RAPGEF4: variants seen among roughly 807,000 people sequenced by gnomAD.
The protein encoded by RAPGEF4 is Rap guanine nucleotide exchange factor 4, also known as RAP guanine-nucleotide-exchange factor (GEF) 4.
In RAPGEF4, 66 loss-of-function variants were observed where a neutral mutation model predicts 147.9. The observed-to-expected ratio is 0.45, with a 90% CI of 0.37 to 0.55. The LOEUF is 0.55. RAPGEF4 is among the 20% of genes least tolerant of loss of function. The pLI, the probability that RAPGEF4 is intolerant of heterozygous loss-of-function variation, is 0.00. For missense variants in RAPGEF4, 1,071 were observed against 1,257.3 expected (o/e 0.85, Z 2.24); for synonymous variants, 419 against 442.7 (o/e 0.95, Z 0.67).
rs1695993409 is a variant in RAPGEF4, at chr2:173,020,624, T to C, written c.2162T>C (p.Val721Ala). ...ATGCTTTTTATGTTCACAGAAAAGG[T>C]GGTGCTCAAACCTAATGATGTTTCA... ...IVKMSSGGEK[V>A]VLKPNDVSVF... The change falls in exon 23 of 31, where the codon GTG (valine) becomes GCG (alanine). Residue 721 changes from valine to alanine, a missense_variant. By Grantham distance (64) the Val-to-Ala change is moderately conservative (BLOSUM62 0). Coordinates refer to ENST00000397081, the MANE Select transcript of RAPGEF4 (RefSeq NM_007023.4). 3.1e-6 allele frequency: 5 copies of C among 1,612,398 alleles called. No homozygotes were observed. Among genetic ancestry groups the C allele is most frequent in the African/African-American group, 1.3e-5 (1 of 74,968 alleles).
chr2:172,736,633 G>A (rs1015259612), intron 1 of RAPGEF4, among the ~76,000 whole-genome samples: 1 of 152,128 alleles, frequency 6.6e-6, no homozygotes, highest in African/African-American at 2.4e-5. Flanking sequence ...CCTGCTTCTC[G>A]GGAAAAGATC....
At chr2:173,049,758 A>G (rs1238283094) in intron 30 of RAPGEF4, among the ~76,000 whole-genome samples, 1 of 152,234 alleles carries the variant, frequency 6.6e-6, no homozygotes, top group Non-Finnish European at 1.5e-5. Context: ...TAGTCTTGCA[A>G]TATCATCAAC....
intron 29 of RAPGEF4, among the ~76,000 whole-genome samples, chr2:173,039,518 G>A (rs146434973): frequency 5.2e-4 from 79 of 151,732 alleles, no homozygotes; most frequent in African/African-American, 1.9e-3. Flanking sequence ...GATGCGATCA[G>A]GGCCCCAGGC....
chr2:172,781,150 G>A (rs1021935546), intron 1 of RAPGEF4, among the ~76,000 whole-genome samples: 1 of 152,094 alleles, frequency 6.6e-6, no homozygotes, highest in African/African-American at 2.4e-5. Context: ...TGTTATTGAT[G>A]GTAAGGCAGA....
intron 1 of RAPGEF4, among the ~76,000 whole-genome samples, chr2:172,763,984 C>T (rs758073819): frequency 1.7e-4 from 26 of 152,090 alleles, no homozygotes; most frequent in Admixed American, 3.9e-4. Context: ...GACACCATGG[C>T]TCACACCTGT....
chr2:173,007,174 C>G (rs1260967673), intron 17 of RAPGEF4, among the ~76,000 whole-genome samples: 1 of 149,498 alleles, frequency 6.7e-6, no homozygotes, highest in Non-Finnish European at 1.5e-5. Flanking sequence ...GATTTGAACC[C>G]AAGCAGTGTA....
At chr2:172,797,399 CA>C in intron 2 of RAPGEF4, 125 bp from the exon 3 acceptor site, 1 of 643,424 alleles carries the variant, frequency 1.6e-6, no homozygotes, top group South Asian at 2.1e-5. Context: ...CTGTGGGCAA[CA>C]GATAGGGGAA....
At chr2:172,894,977 T>C (rs751608960) in intron 4 of RAPGEF4, among the ~76,000 whole-genome samples, 6 of 151,976 alleles carry the variant, frequency 3.9e-5, no homozygotes, top group Non-Finnish European at 8.8e-5. Context: ...GCATCGAGCC[T>C]CTTCAAAGAA....
chr2:172,843,649 A>G (rs991216683), intron 4 of RAPGEF4, among the ~76,000 whole-genome samples: 2 of 152,230 alleles, frequency 1.3e-5, no homozygotes, highest in Admixed American at 1.3e-4. Context: ...CAGGTATTGA[A>G]TAGACATAAA....
chr2:172,868,795 G>A (rs1460191625), intron 4 of RAPGEF4, among the ~76,000 whole-genome samples: 1 of 152,210 alleles, frequency 6.6e-6, no homozygotes, highest in Non-Finnish European at 1.5e-5. Flanking sequence ...AAGATATGAG[G>A]TTTATTTGGG....
chr2:172,944,262 T>C (rs1687457037), intron 6 of RAPGEF4, among the ~76,000 whole-genome samples: 1 of 152,142 alleles, frequency 6.6e-6, no homozygotes, highest in Non-Finnish European at 1.5e-5. Context: ...AATAATCCCT[T>C]TAGGTTTATG....
chr2:172,925,851 G>A lies in RAPGEF4; in HGVS notation c.537+3551G>A, dbSNP rs1685268081. Among the ~76,000 whole-genome samples the A allele has an allele frequency of 2.8e-5, 4 of 143,892 alleles. No individual in the cohort carries two copies. In the Admixed American group the frequency reaches 2.8e-4, roughly 10 times the overall value. 94.4% of individuals were successfully genotyped at this position (143,892 alleles called of 152,430 possible). A position where few individuals can be genotyped will look rare whatever the true frequency, so the allele number is the denominator to read the frequency against. On this transcript the variant is annotated intron_variant, in intron 6 of 30. Coordinates refer to ENST00000397081, the MANE Select transcript of RAPGEF4 (RefSeq NM_007023.4). ...AAAGGAAAGAAGGAAGGAAGGAAGG[G>A]AAGGAAAGAAAAGAGAGAGAAGGAG...
chr2:173,019,610 C>T (rs1488119658), intron 22 of RAPGEF4, among the ~76,000 whole-genome samples: 1 of 152,206 alleles, frequency 6.6e-6, no homozygotes, highest in Non-Finnish European at 1.5e-5. Context: ...CCATTTCTGT[C>T]ATGTTTTAAG....
chr2:172,942,610 A>G (rs1687280573), intron 6 of RAPGEF4, among the ~76,000 whole-genome samples: 2 of 151,716 alleles, frequency 1.3e-5, no homozygotes, highest in South Asian at 4.1e-4. Context: ...CCAAGTAATT[A>G]TAACTGTAAT....
intron 10 of RAPGEF4, among the ~76,000 whole-genome samples, chr2:172,977,506 G>A (rs1691198966): frequency 6.6e-6 from 1 of 152,068 alleles, no homozygotes; most frequent in Non-Finnish European, 1.5e-5. Flanking sequence ...TGAGACACTA[G>A]ATGGCACAGC....
intron 23 of RAPGEF4, among the ~76,000 whole-genome samples, chr2:173,021,573 G>C (rs982728274): frequency 6.6e-6 from 1 of 152,130 alleles, no homozygotes; most frequent in Non-Finnish European, 1.5e-5. Flanking sequence ...GGGCAACAGA[G>C]CGAGACTCTG....
intron 4 of RAPGEF4, among the ~76,000 whole-genome samples, chr2:172,906,037 G>A (rs548907682): frequency 7.9e-5 from 12 of 152,210 alleles, no homozygotes; most frequent in African/African-American, 2.6e-4. Context: ...ACCATGCATG[G>A]GTTTAAGAAT....
At chr2:172,939,460 G>A (rs1686929152) in intron 6 of RAPGEF4, among the ~76,000 whole-genome samples, 1 of 152,070 alleles carries the variant, frequency 6.6e-6, no homozygotes, top group Admixed American at 6.5e-5. Context: ...CTTTGTTGAG[G>A]TGTCTTTTGC....
chr2:172,991,367 A>G (rs1278303686), intron 15 of RAPGEF4, among the ~76,000 whole-genome samples: 1 of 152,224 alleles, frequency 6.6e-6, no homozygotes, highest in Non-Finnish European at 1.5e-5. Flanking sequence ...ATGGAAACCC[A>G]GACTTCCAAT....
Sources: allele counts gnomAD v4.1 joint callset (sites outside exome capture counted in the v4.1 genomes callset), GRCh38; gene constraint gnomAD v4.1.1; transcripts MANE v1.5; gene names NCBI Gene and HGNC (gene_info 2026-07-23, HGNC 2026-07-21).